The following KRT20 variants were observed in gnomAD, a reference collection of about 807,000 sequenced individuals.
KRT20 encodes the protein keratin, type I cytoskeletal 20.
KRT20 carries 41 observed loss-of-function variants against 43.0 expected under a neutral mutation model. The observed-to-expected ratio is 0.95, with a 90% CI of 0.74 to 1.24. The LOEUF (loss-of-function observed/expected upper bound fraction) is 1.24, where lower values mean the gene tolerates loss of function less well. Ranked by LOEUF, KRT20 falls within the 50% of genes most tolerant of loss-of-function variation. The probability of loss-of-function intolerance (pLI) is 0.00; values close to 1 mark genes in which losing one functional copy is unlikely to be tolerated. For missense variants in KRT20, 533 were observed against 521.2 expected, an observed-to-expected ratio of 1.02 and a Z score of -0.22; for synonymous variants, 207 against 200.6, an observed-to-expected ratio of 1.03 and a Z score of -0.27.
rs774278701 is a variant in KRT20 at position 40,885,089 on chromosome 17, G to A, written c.97C>T (p.Pro33Ser). 24 of 1,614,026 alleles carry A rather than the reference G, an allele frequency of 1.5e-5. No homozygotes were observed. The Admixed American group carries it at 1.5e-4, about 10-fold the overall frequency. The change falls in exon 1 of 8, where the codon CCC (proline) becomes TCC (serine). Residue 33 changes from proline to serine, a missense_variant. Transcript: ENST00000167588. ...TVGMQRLGTT[P>S]SVYGGAGGRG... is the part of the protein sequence containing the mutation. ...CCTCCAGCACCCCCATAAACGCTGG[G>A]TGTCGTCCCGAGGCGCTGCATGCCC...
In KRT20 at chr17:40,880,269, A is replaced by G. The variant is rs368588022; in HGVS notation, c.631-8T>C. The G allele has an allele frequency of 1.6e-5, 25 of 1,587,542 alleles. No individual in the cohort carries two copies. The African/African-American group carries it at 2.2e-4, about 14-fold the overall frequency. Reference sequence around the variant, plus strand: ...GTGTAGGCCATCGACTTCCTATGAAAGTGAAATTTCTGATTGATTTTAGTC... The same window carrying G: ...GTGTAGGCCATCGACTTCCTATGAAGGTGAAATTTCTGATTGATTTTAGTC... On this transcript the variant is annotated splice_region_variant and splice_polypyrimidine_tract_variant and intron_variant, in intron 3 of 7. Transcript: ENST00000167588.
intron 1 of KRT20, among the ~76,000 whole-genome samples, chr17:40,883,635 A>G (rs1187457844): frequency 6.6e-6 from 1 of 152,244 alleles, no homozygotes; most frequent in Non-Finnish European, 1.5e-5. Flanking sequence ...TGTTACAATG[A>G]CATTTCTCTT....
At position 40,880,085 on chromosome 17, in the gene KRT20, G is replaced by T; in HGVS notation, c.792+15C>A. The T allele has an allele frequency of 6.2e-7, 1 of 1,609,142 alleles. No homozygotes were observed. Among genetic ancestry groups the T allele is most frequent in the East Asian group, 2.2e-5 (1 of 44,790 alleles). On this transcript the variant is annotated intron_variant, in intron 4 of 7. Transcript: ENST00000167588. ...CATCTACACGTTTGCTCACCCTTTAGAATTGTGTGGTTACCTGTCTCTCAA... is the reference window on the plus strand; with the variant it reads ...CATCTACACGTTTGCTCACCCTTTATAATTGTGTGGTTACCTGTCTCTCAA...
intron 2 of KRT20, 80 bp from the exon 3 acceptor site, chr17:40,880,850 T>C: frequency 1.8e-6 from 2 of 1,127,648 alleles, no homozygotes; most frequent in Non-Finnish European, 2.4e-6. Context: ...ATGGGATAGG[T>C]TTTTAAATGT....
chr17:40,881,816 G>T (rs1234114910), intron 2 of KRT20, among the ~76,000 whole-genome samples: 1 of 152,042 alleles, frequency 6.6e-6, no homozygotes, highest in African/African-American at 2.4e-5. Context: ...GTCACATGTG[G>T]TGTGATGACT....
rs145542296 is a variant in KRT20, at chr17:40,880,614, C to A, written c.630G>T (p.Glu210Asp). ...ATACCACTTCTGAATATTTTCTCAC[C>A]TCCTGATGCTCCTTTTTGAGGAGAG... ...DLALLKKEHQ[E>D]EVDGLHKHLG... Residue 210 changes from glutamate to aspartate, a missense_variant and splice_region_variant, in exon 3 of 8, where the codon GAG (glutamate) becomes GAT (aspartate). By Grantham distance (45) the Glu-to-Asp change is conservative. Coordinates refer to ENST00000167588, the MANE Select transcript of KRT20 (RefSeq NM_019010.3). The A allele has an allele frequency of 1.9e-5, 31 of 1,612,186 alleles. No homozygotes were observed. The highest frequency in any genetic ancestry group is 1.7e-6 in the Non-Finnish European group (2 of 1,179,174).
chr17:40,878,194 C>CA lies in KRT20; in HGVS notation c.1089dup (p.Glu364Ter). The CA allele has an allele frequency of 6.2e-7, 1 of 1,614,060 alleles. No individual in the cohort carries two copies. ...CGGCGGTAAGTAGCAATTTCCTGTT[C>CA]AAGTCGAGTCTTTATGTCAAGAAGG... On this transcript the variant is annotated frameshift_variant, in exon 6 of 8. Transcript: ENST00000167588. LOFTEE classifies it high-confidence loss of function.
chr17:40,879,873 T>C lies in KRT20; in HGVS notation c.858A>G (p.Leu286=), dbSNP rs1159658397. ...TEELKGTEVQ[L]TELRRTSQSL... ...TCTGGGAGGTGCGTCTCAGCTCCGT[T>C]AGTTGAACCTCAGTTCCTTTTAATT... Residue 286 remains leucine, a synonymous_variant, in exon 5 of 8, where the codon CTA becomes CTG. Transcript: ENST00000167588. 2 of 1,613,630 alleles carry C rather than the reference T, an allele frequency of 1.2e-6. No individual in the cohort carries two copies. The highest frequency in any genetic ancestry group is 4.5e-5 in the East Asian group (2 of 44,882).
Position 40,882,689 on chromosome 17 carries a change from TTTTATTTATTTA to T in KRT20, c.391-47_391-36del, listed in dbSNP as rs57044103. ...ACATGAGAAAGAATGACATTTTCTT[TTTTATTTATTTA>T]TTTATTTATTTATTTATTTATTTAT... On this transcript the variant is annotated intron_variant, in intron 1 of 7. Transcript: ENST00000167588. The T allele has an allele frequency of 1.9e-3, 992 of 530,964 alleles. 55 individuals are homozygous for T. Among genetic ancestry groups the T allele is most frequent in the African/African-American group, 0.018 (773 of 44,022 alleles). The allele number at this position is 530,964 out of a possible 1,614,324, so 32.9% of individuals were successfully genotyped here.
At position 40,876,302 on chromosome 17, in the gene KRT20, G is replaced by A; in HGVS notation, c.*59C>T. ...TGGCTGATTTCTTGCAGGGAGCAAA[G>A]ATAAGATTATAGCCAAATTTCTTTC... On this transcript the variant is annotated 3_prime_UTR_variant, in exon 8 of 8. Coordinates refer to ENST00000167588, the MANE Select transcript of KRT20 (RefSeq NM_019010.3). 9.0e-6 allele frequency: 10 copies of A among 1,111,108 alleles called. No individual in the cohort carries two copies. The highest frequency in any genetic ancestry group is 1.4e-5 in the Non-Finnish European group (10 of 723,164). 68.8% of individuals were successfully genotyped at this position (1,111,108 alleles called of 1,614,324 possible).
chr17:40,884,513 C>T (rs1907722348), intron 1 of KRT20, among the ~76,000 whole-genome samples: 1 of 152,130 alleles, frequency 6.6e-6, no homozygotes, highest in South Asian at 2.1e-4. Context: ...ATACATTTAG[C>T]CCTGATGTGA....
At chr17:40,881,227 CTGTGTGTG>C (rs34632722) in intron 2 of KRT20, among the ~76,000 whole-genome samples, 14 of 145,646 alleles carry the variant, frequency 9.6e-5, no homozygotes, top group South Asian at 2.3e-4. Context: ...TACATACACA[CTGTGTGTG>C]TGTGTGTGTG....
chr17:40,883,617 G>A (rs1047794438), intron 1 of KRT20, among the ~76,000 whole-genome samples: 5 of 152,236 alleles, frequency 3.3e-5, no homozygotes, highest in Middle Eastern at 3.2e-3. Context: ...AAATCTACTT[G>A]CAGAAGATGT....
At position 40,880,162 on chromosome 17, in the gene KRT20, G is replaced by A. The variant is rs770717649; in HGVS notation, c.730C>T (p.Gln244Ter). The A allele has an allele frequency of 1.2e-6, 2 of 1,614,100 alleles. No individual in the cohort carries two copies. Among genetic ancestry groups the A allele is most frequent in the Admixed American group, 1.7e-5 (1 of 60,012 alleles). The change falls in exon 4 of 8, where the codon CAG (glutamine) becomes TAG (stop). Residue 244 changes from glutamine (Q) to a stop codon, truncating the protein, a stop_gained. Transcript: ENST00000167588. LOFTEE classifies it high-confidence loss of function. ...NLGVIMNEMR[Q>*]KYEVMAQKNL... is the part of the protein sequence containing the mutation. ...TTCTGGGCCATGACTTCATACTTCT[G>A]CCTCATTTCATTCATGATGACGCCA...
intron 7 of KRT20, among the ~76,000 whole-genome samples, chr17:40,876,800 G>C (rs1052608448): frequency 8.5e-5 from 13 of 152,164 alleles, no homozygotes; most frequent in African/African-American, 3.1e-4. Context: ...TCTGAGGAGT[G>C]TGCCCAAGTT....
intron 4 of KRT20, 41 bp downstream of exon 4, chr17:40,880,059 G>T (rs755827352): frequency 1.3e-6 from 2 of 1,593,912 alleles, no homozygotes; most frequent in Non-Finnish European, 1.7e-6. Flanking sequence ...CTGGAGGAAA[G>T]CATCTACACG....
intron 6 of KRT20, 45 bp from the exon 7 acceptor site, chr17:40,877,462 AG>A (rs1907399423): frequency 7.9e-7 from 1 of 1,269,736 alleles, no homozygotes; most frequent in South Asian, 1.5e-5. Context: ...AACAGAAAAA[AG>A]CATTATTGCT....
intron 6 of KRT20, 122 bp downstream of exon 6, chr17:40,878,023 T>A: frequency 1.2e-6 from 1 of 821,638 alleles, no homozygotes. Context: ...TGGTGAGGCA[T>A]GTGTGAGTAT....
Position 40,880,786 on chromosome 17 carries a change from T to G in KRT20, c.474-16A>C. The G allele has an allele frequency of 6.7e-7, 1 of 1,489,016 alleles. No individual in the cohort carries two copies. Among genetic ancestry groups the G allele is most frequent in the Non-Finnish European group, 8.9e-7 (1 of 1,119,414 alleles). The allele number at this position is 1,489,016 out of a possible 1,614,324, so 92.2% of individuals were successfully genotyped here. A position where few individuals can be genotyped will look rare whatever the true frequency, so the allele number is the denominator to read the frequency against. ...AGTCTCATACCTGTGAATTAATTAGTGTACAGAGATAACTGGTCCTTCTGA... is the reference window on the plus strand; with the variant it reads ...AGTCTCATACCTGTGAATTAATTAGGGTACAGAGATAACTGGTCCTTCTGA... On this transcript the variant is annotated splice_polypyrimidine_tract_variant and intron_variant, in intron 2 of 7. Transcript: ENST00000167588.
Sources: gnomAD v4.1 joint callset for allele counts (sites outside exome capture counted in the v4.1 genomes callset) on GRCh38, gnomAD v4.1.1 for gene constraint, MANE v1.5 for transcripts, NCBI Gene and HGNC (gene_info 2026-07-23, HGNC 2026-07-21) for gene names.